PPP4R4: variants seen among roughly 807,000 people sequenced by gnomAD.
PPP4R4 encodes serine/threonine-protein phosphatase 4 regulatory subunit 4.
A neutral mutation model predicts 121.8 loss-of-function variants in PPP4R4; 70 were observed. That is an observed-to-expected ratio of 0.57 (90% confidence interval 0.47 to 0.70). The LOEUF is 0.70. Ranked by LOEUF, PPP4R4 falls within the 30% of genes least tolerant of loss-of-function variation. PPP4R4 has a pLI of 0.00. For synonymous variants in PPP4R4, 348 were observed against 355.7 expected, an observed-to-expected ratio of 0.98 and a Z score of 0.24; for missense variants, 875 against 1,033.6, an observed-to-expected ratio of 0.85 and a Z score of 2.10.
Position 94,195,380 on chromosome 14 carries a change from A to G in PPP4R4, c.192-13084A>G, listed in dbSNP as rs558221058. 3.3e-5 allele frequency among the ~76,000 whole-genome samples: 5 copies of G among 152,294 alleles called. No individual in the cohort carries two copies. In the South Asian group the frequency reaches 1.0e-3, roughly 32 times the overall value. ...ATTCCGACACATGCTGAAGTTTGAG[A>G]ACCGCTGCTCTAGCATGTTGTAGTT... is the stretch of plus-strand genomic sequence containing the variant. On this transcript the variant is annotated intron_variant, in intron 2 of 24. Coordinates refer to ENST00000304338, the MANE Select transcript of PPP4R4 (RefSeq NM_058237.2).
At chr14:94,219,080 C>CTTTTTT (rs71301922) in intron 3 of PPP4R4, among the ~76,000 whole-genome samples, 93 of 106,924 alleles carry the variant, frequency 8.7e-4, no homozygotes, top group East Asian at 1.6e-3. Context: ...CTTTTCTTTT[C>CTTTTTT]TTTTTTTTTT....
intron 1 of PPP4R4, 46 bp downstream of exon 1, chr14:94,174,628 G>T (rs1888559878): frequency 2.5e-6 from 4 of 1,599,682 alleles, no homozygotes; most frequent in Non-Finnish European, 3.4e-6. Flanking sequence ...CCGGCCGCCT[G>T]CCCCGCGCGG....
At chr14:94,251,694 C>T (rs2139600100) in intron 15 of PPP4R4, 55 bp from the exon 16 acceptor site, 2 of 1,391,132 alleles carry the variant, frequency 1.4e-6, no homozygotes, top group South Asian at 1.6e-5. Context: ...AACTTTGTCA[C>T]TTTAATTTCA....
intron 2 of PPP4R4, among the ~76,000 whole-genome samples, chr14:94,200,059 C>T (rs180907666): frequency 2.4e-4 from 36 of 152,150 alleles, no homozygotes; most frequent in African/African-American, 5.8e-4. Context: ...TTTCCCTTCC[C>T]GGCACTTCCC....
At chr14:94,182,091 C>T (rs1302915139) in intron 2 of PPP4R4, among the ~76,000 whole-genome samples, 2 of 152,108 alleles carry the variant, frequency 1.3e-5, no homozygotes, top group Admixed American at 6.5e-5. Context: ...AGATACATAC[C>T]ATCTCCTTTC....
At chr14:94,251,643 A>T in intron 15 of PPP4R4, 106 bp from the exon 16 acceptor site, 1 of 855,712 alleles carries the variant, frequency 1.2e-6, no homozygotes. Context: ...TGCTAGCCAA[A>T]TTGTGGGTAT....
At chr14:94,259,724 C>A (rs1286615040) in intron 19 of PPP4R4, among the ~76,000 whole-genome samples, 2 of 152,186 alleles carry the variant, frequency 1.3e-5, no homozygotes, top group Non-Finnish European at 2.9e-5. Flanking sequence ...CTACTCTAGT[C>A]CCCAACAACC....
Position 94,265,844 on chromosome 14 carries a change from C to G in PPP4R4, c.2335C>G (p.Gln779Glu). ...KLIRSQSFNN[Q>E]AFHAKYGNLE... is the part of the protein sequence containing the mutation. ...GATTCGAAGCCAGTCTTTTAATAAT[C>G]AAGCTTTTCATGCAAAATATGGCAA... The change falls in exon 22 of 25, where the codon CAA (glutamine) becomes GAA (glutamate). Residue 779 changes from glutamine to glutamate, a missense_variant. Transcript: ENST00000304338. The G allele has an allele frequency of 6.2e-7, 1 of 1,609,394 alleles. No homozygotes were observed. Among genetic ancestry groups the G allele is most frequent in the Non-Finnish European group, 8.5e-7 (1 of 1,176,864 alleles).
chr14:94,256,027 C>G (rs1893453005), intron 16 of PPP4R4, among the ~76,000 whole-genome samples: 1 of 152,214 alleles, frequency 6.6e-6, no homozygotes, highest in Non-Finnish European at 1.5e-5. Flanking sequence ...ATTCACATAG[C>G]TCATTCCCTA....
intron 16 of PPP4R4, among the ~76,000 whole-genome samples, chr14:94,253,075 A>C (rs1893275698): frequency 6.6e-6 from 1 of 152,268 alleles, no homozygotes; most frequent in Non-Finnish European, 1.5e-5. Context: ...TACAGAAAGC[A>C]CAACTGCATT....
chr14:94,261,986 T>G (rs1357034622), intron 19 of PPP4R4, among the ~76,000 whole-genome samples: 1 of 152,014 alleles, frequency 6.6e-6, no homozygotes, highest in African/African-American at 2.4e-5. Flanking sequence ...AGATTCATAG[T>G]GAAATTGGCC....
At chr14:94,242,090 G>C (rs1892664569) in intron 10 of PPP4R4, 133 bp downstream of exon 10, 8 of 1,148,494 alleles carry the variant, frequency 7.0e-6, no homozygotes, top group Non-Finnish European at 9.9e-6. Flanking sequence ...AGTATGTGCA[G>C]AGTAAATATT....
chr14:94,226,190 G>A (rs1891687513), intron 3 of PPP4R4, among the ~76,000 whole-genome samples: 1 of 152,086 alleles, frequency 6.6e-6, no homozygotes, highest in Non-Finnish European at 1.5e-5. Context: ...CAAAACTATG[G>A]TCTTTAAATT....
At chr14:94,272,681 A>G (rs1376741463) in intron 23 of PPP4R4, among the ~76,000 whole-genome samples, 1 of 151,934 alleles carries the variant, frequency 6.6e-6, no homozygotes, top group African/African-American at 2.4e-5. Flanking sequence ...CTACTATTTG[A>G]AAAATACTGT....
At chr14:94,240,532 G>A (rs1303211775) in intron 8 of PPP4R4, 141 bp from the exon 9 acceptor site, 9 of 865,746 alleles carry the variant, frequency 1.0e-5, no homozygotes, top group Admixed American at 3.8e-5. Flanking sequence ...CACCTCCATC[G>A]TTGTTGCTTT....
At chr14:94,186,259 C>G (rs774107437) in intron 2 of PPP4R4, among the ~76,000 whole-genome samples, 3 of 152,168 alleles carry the variant, frequency 2.0e-5, no homozygotes, top group Admixed American at 6.5e-5. Context: ...ATCTCTCTCT[C>G]CCTCCCGTGA....
At chr14:94,243,291 G>A (rs1280066442) in intron 11 of PPP4R4, among the ~76,000 whole-genome samples, 2 of 151,980 alleles carry the variant, frequency 1.3e-5, no homozygotes, top group African/African-American at 4.8e-5. Context: ...ATTAATTTCA[G>A]TGCTGCACAA....
chr14:94,234,180 T>G (rs1892203184), intron 6 of PPP4R4, among the ~76,000 whole-genome samples: 1 of 152,218 alleles, frequency 6.6e-6, no homozygotes, highest in African/African-American at 2.4e-5. Context: ...GTGCTACTTC[T>G]TGCCTGCTTA....
At chr14:94,256,853 A>G (rs1314568003) in intron 17 of PPP4R4, among the ~76,000 whole-genome samples, 1 of 152,144 alleles carries the variant, frequency 6.6e-6, no homozygotes, top group African/African-American at 2.4e-5. Flanking sequence ...GACACATGTT[A>G]GGTGCTCAAT....
Sources: gnomAD v4.1 joint callset for allele counts (sites outside exome capture counted in the v4.1 genomes callset) on GRCh38, gnomAD v4.1.1 for gene constraint, MANE v1.5 for transcripts, NCBI Gene and HGNC (gene_info 2026-07-23, HGNC 2026-07-21) for gene names.